RNF180: variants seen among roughly 807,000 people sequenced by gnomAD.
RNF180 encodes the protein E3 ubiquitin-protein ligase RNF180.
In RNF180, 38 loss-of-function variants were observed where a neutral mutation model predicts 59.2. That is an observed-to-expected ratio of 0.64 (90% CI 0.50 to 0.84). The LOEUF is 0.84. RNF180 is among the 40% of genes least tolerant of loss of function. The pLI, the probability that RNF180 is intolerant of heterozygous loss-of-function variation, is 0.00. For synonymous variants in RNF180, 262 were observed against 240.3 expected (o/e 1.09, Z -0.84); for missense variants, 705 against 700.9 (o/e 1.01, Z -0.07).
chr5:64,257,742 C>T (rs894205042), intron 5 of RNF180, among the ~76,000 whole-genome samples: 2 of 152,120 alleles, frequency 1.3e-5, no homozygotes, highest in Admixed American at 1.3e-4. Flanking sequence ...GGAGGATTCC[C>T]TCTTTTTCTA....
At chr5:64,229,913 T>G (rs931753598) in intron 5 of RNF180, among the ~76,000 whole-genome samples, 1 of 152,232 alleles carries the variant, frequency 6.6e-6, no homozygotes, top group African/African-American at 2.4e-5. Context: ...TAAATCATCC[T>G]TTTATTCTTC....
intron 7 of RNF180, among the ~76,000 whole-genome samples, chr5:64,348,294 G>C (rs1745634711): frequency 6.6e-6 from 1 of 151,984 alleles, no homozygotes; most frequent in Non-Finnish European, 1.5e-5. Flanking sequence ...AAAATGAAAA[G>C]CTATAGGATA....
At chr5:64,181,986 CTTTT>C (rs1190089130) in intron 1 of RNF180, among the ~76,000 whole-genome samples, 7 of 94,616 alleles carry the variant, frequency 7.4e-5, no homozygotes, top group African/African-American at 1.8e-4. Context: ...CTGCTACTGT[CTTTT>C]TTTTTTTTTT....
At chr5:64,276,364 A>G (rs1741719201) in intron 5 of RNF180, among the ~76,000 whole-genome samples, 1 of 120,868 alleles carries the variant, frequency 8.3e-6, no homozygotes, top group Admixed American at 8.3e-5. Flanking sequence ...GTGTGTACAA[A>G]AACCACATTG....
rs184522592 is a variant in RNF180, at chr5:64,313,051, G to T, written c.1228-12135G>T. 1.5e-3 allele frequency among the ~76,000 whole-genome samples: 226 copies of T among 152,088 alleles called. 1 individual carries two copies. Among genetic ancestry groups the T allele is most frequent in the African/African-American group, 5.2e-3 (217 of 41,494 alleles). ...GGTATTTTCAGAATTTTGAATATTT[G>T]TATGTACATAGTAAGATATCTTGGA... On this transcript the variant is annotated intron_variant, in intron 5 of 7. Coordinates refer to ENST00000389100, the MANE Select transcript of RNF180 (RefSeq NM_001113561.2).
chr5:64,370,508 T>C lies in RNF180; in HGVS notation c.*694T>C, dbSNP rs2112624381. 1 of 151,858 alleles carries C rather than the reference T, an allele frequency of 6.6e-6. No homozygotes were observed. The highest frequency in any genetic ancestry group is 6.6e-5 in the Admixed American group (1 of 15,186). The allele number at this position is 151,858 out of a possible 1,614,324, so 9.4% of individuals were successfully genotyped here. A position where few individuals can be genotyped will look rare whatever the true frequency, so the allele number is the denominator to read the frequency against. On this transcript the variant is annotated 3_prime_UTR_variant, in exon 8 of 8. Transcript: ENST00000389100. ...TAATCACCAGAAGACATGAAAAATT[T>C]ACCGACTTTTAGTAGTCTAAAAGAG...
chr5:64,263,947 T>C (rs1744510065), intron 5 of RNF180, among the ~76,000 whole-genome samples: 1 of 152,198 alleles, frequency 6.6e-6, no homozygotes. Context: ...TTCACCTATA[T>C]TGTTAGTTTT....
At chr5:64,195,069 T>C (rs1478515429) in intron 1 of RNF180, among the ~76,000 whole-genome samples, 5 of 152,184 alleles carry the variant, frequency 3.3e-5, no homozygotes, top group African/African-American at 4.8e-5. Flanking sequence ...TCAGGTATTA[T>C]GTTAGCTTAT....
intron 5 of RNF180, among the ~76,000 whole-genome samples, chr5:64,276,227 G>C (rs981816186): frequency 6.6e-6 from 1 of 151,914 alleles, no homozygotes; most frequent in Non-Finnish European, 1.5e-5. Context: ...TCCACATACT[G>C]TTGTGTCATC....
intron 5 of RNF180, among the ~76,000 whole-genome samples, chr5:64,324,985 C>T (rs1744561969): frequency 6.6e-6 from 1 of 151,990 alleles, no homozygotes; most frequent in Admixed American, 6.6e-5. Flanking sequence ...TGTCACAATA[C>T]TAAAAAGAAA....
chr5:64,209,763 A>G (rs1025026164), intron 2 of RNF180, among the ~76,000 whole-genome samples: 1 of 152,064 alleles, frequency 6.6e-6, no homozygotes, highest in Non-Finnish European at 1.5e-5. Context: ...ATTCTCTGTA[A>G]GATTGTTTTA....
At position 64,369,875 on chromosome 5, in the gene RNF180, C is replaced by A; in HGVS notation, c.*61C>A. The A allele has an allele frequency of 1.0e-6, 1 of 970,134 alleles. No individual in the cohort carries two copies. Among genetic ancestry groups the A allele is most frequent in the Non-Finnish European group, 1.4e-6 (1 of 700,182 alleles). 60.1% of individuals were successfully genotyped at this position (970,134 alleles called of 1,614,324 possible). A position where few individuals can be genotyped will look rare whatever the true frequency, so the allele number is the denominator to read the frequency against. ...ATGATGTAAATAACAATTGCTTAAA[C>A]ATTTTTAAATGTGCTTTGAAGTTTT... On this transcript the variant is annotated 3_prime_UTR_variant, in exon 8 of 8. Transcript: ENST00000389100.
intron 5 of RNF180, among the ~76,000 whole-genome samples, chr5:64,240,552 G>A (rs190432136): frequency 8.5e-5 from 13 of 152,280 alleles, no homozygotes; most frequent in Admixed American, 3.3e-4. Context: ...GTGGAAATTG[G>A]GTGACAGAGT....
chr5:64,341,593 T>C (rs1279389496), intron 7 of RNF180, among the ~76,000 whole-genome samples: 4 of 152,098 alleles, frequency 2.6e-5, no homozygotes, highest in Non-Finnish European at 5.9e-5. Context: ...ATATGAAGAT[T>C]GAGTATGTAG....
At chr5:64,309,500 G>A (rs1743646718) in intron 5 of RNF180, among the ~76,000 whole-genome samples, 1 of 151,432 alleles carries the variant, frequency 6.6e-6, no homozygotes. Context: ...GACTGTTTTA[G>A]CCTCCATAAT....
chr5:64,203,655 A>G (rs1450816981), intron 2 of RNF180, among the ~76,000 whole-genome samples: 1 of 152,090 alleles, frequency 6.6e-6, no homozygotes, highest in African/African-American at 2.4e-5. Context: ...TTATGTACTA[A>G]ATATATATAA....
At chr5:64,339,105 T>C (rs944934748) in intron 7 of RNF180, among the ~76,000 whole-genome samples, 5 of 152,142 alleles carry the variant, frequency 3.3e-5, no homozygotes, top group African/African-American at 1.2e-4. Flanking sequence ...CTAGTTATGC[T>C]CTTTGAATTC....
chr5:64,202,355 G>A (rs935574080), intron 2 of RNF180, among the ~76,000 whole-genome samples: 1 of 152,134 alleles, frequency 6.6e-6, no homozygotes, highest in Non-Finnish European at 1.5e-5. Flanking sequence ...TGAGCTATGT[G>A]CCATTTATGA....
chr5:64,172,089 G>T (rs1749967547), intron 1 of RNF180, among the ~76,000 whole-genome samples: 1 of 152,316 alleles, frequency 6.6e-6, no homozygotes, highest in African/African-American at 2.4e-5. Flanking sequence ...TTATCAACTT[G>T]TGGGCCACTT....
Sources: gnomAD v4.1 joint callset for allele counts (sites outside exome capture counted in the v4.1 genomes callset) on GRCh38, gnomAD v4.1.1 for gene constraint, MANE v1.5 for transcripts, NCBI Gene and HGNC (gene_info 2026-07-23, HGNC 2026-07-21) for gene names.